The following PALM2AKAP2 variants were observed in gnomAD, a reference collection of about 807,000 sequenced individuals.
PALM2AKAP2 encodes PALM2-AKAP2 fusion protein.
PALM2AKAP2 carries 37 observed loss-of-function variants against 71.5 expected under a neutral mutation model. That is an observed-to-expected ratio of 0.52 (90% CI 0.40 to 0.68). The LOEUF (loss-of-function observed/expected upper bound fraction) is 0.68, where lower values mean the gene tolerates loss of function less well. Among genes scored for constraint, PALM2AKAP2 ranks in the 30% least tolerant of loss-of-function variants. PALM2AKAP2 has a pLI of 0.00. For missense variants in PALM2AKAP2, 1,224 were observed against 1,191.8 expected, an observed-to-expected ratio of 1.03 and a Z score of -0.40; for synonymous variants, 468 against 478.8, an observed-to-expected ratio of 0.98 and a Z score of 0.29.
intron 1 of PALM2AKAP2, among the ~76,000 whole-genome samples, chr9:109,715,108 T>C (rs940763801): frequency 6.6e-6 from 1 of 152,240 alleles, no homozygotes; most frequent in Admixed American, 6.5e-5. Flanking sequence ...ATCTACACTA[T>C]CTTTTGAAAA....
chr9:109,729,811 G>A (rs1828528343), intron 1 of PALM2AKAP2, among the ~76,000 whole-genome samples: 1 of 152,132 alleles, frequency 6.6e-6, no homozygotes, highest in South Asian at 2.1e-4. Context: ...CTGCCCCGGA[G>A]GACACTTTGT....
intron 2 of PALM2AKAP2, among the ~76,000 whole-genome samples, chr9:109,874,960 C>A (rs1829687518): frequency 6.6e-6 from 1 of 152,340 alleles, no homozygotes; most frequent in South Asian, 2.1e-4. Context: ...ATGCAATAAA[C>A]TCCCATCACT....
At position 109,694,537 on chromosome 9, in the gene PALM2AKAP2, C is replaced by T. The variant is rs529292348; in HGVS notation, c.5+53671C>T. 3.3e-5 allele frequency among the ~76,000 whole-genome samples: 5 copies of T among 152,072 alleles called. No individual in the cohort carries two copies. In the South Asian group the frequency reaches 1.0e-3, roughly 32 times the overall value. On this transcript the variant is annotated intron_variant, in intron 1 of 6. Coordinates refer to the PALM2AKAP2 transcript ENST00000374531. ...ATGTTTAAGATCTACATGAAGAAAT[C>T]TTCAAAACACTATTAAGAGATAGAA...
chr9:109,720,442 T>C (rs1318788563), intron 1 of PALM2AKAP2, among the ~76,000 whole-genome samples: 1 of 152,202 alleles, frequency 6.6e-6, no homozygotes, highest in Non-Finnish European at 1.5e-5. Flanking sequence ...AGACTATTGG[T>C]AGATCCTCAG....
intron 7 of PALM2AKAP2, 97 bp downstream of exon 7, chr9:110,016,136 C>T (rs1375662068): frequency 1.7e-6 from 2 of 1,169,918 alleles, no homozygotes; most frequent in Non-Finnish European, 2.5e-6. Context: ...CACTACCAAT[C>T]CACCTTGCTA....
At chr9:109,677,622 C>T (rs1391277441) in intron 1 of PALM2AKAP2, among the ~76,000 whole-genome samples, 1 of 149,976 alleles carries the variant, frequency 6.7e-6, no homozygotes, top group East Asian at 2.0e-4. Context: ...GAGCAGAGAT[C>T]GTGCCACTGC....
chr9:109,851,197 CAACAACAACAACA>C lies in PALM2AKAP2; in HGVS notation c.46-16291_46-16279del, dbSNP rs1275486845. Among the ~76,000 whole-genome samples the C allele has an allele frequency of 2.4e-4, 11 of 46,304 alleles. No individual in the cohort carries two copies. The Admixed American group carries it at 2.9e-3, about 12-fold the overall frequency. The allele number at this position is 46,304 out of a possible 152,430, so 30.4% of individuals were successfully genotyped here. ...GTCTCAACAACAACAACAACAACAA[CAACAACAACAACA>C]AAAAAAAAAAAACACTACCTGGTAG... On this transcript the variant is annotated intron_variant, in intron 1 of 9. Coordinates refer to the PALM2AKAP2 transcript ENST00000302798.
chr9:110,158,134 A>G (rs1836504000), intron 3 of PALM2AKAP2, among the ~76,000 whole-genome samples: 1 of 152,186 alleles, frequency 6.6e-6, no homozygotes, highest in African/African-American at 2.4e-5. Context: ...TCCTTTCGTG[A>G]GCCTGCAGGA....
At chr9:109,943,475 C>G (rs752487322) in intron 6 of PALM2AKAP2, 3 of 1,539,504 alleles carry the variant, frequency 1.9e-6, no homozygotes, top group Non-Finnish European at 2.6e-6. Flanking sequence ...CTCCACCACT[C>G]ACGTAGACCT....
intron 2 of PALM2AKAP2, among the ~76,000 whole-genome samples, chr9:110,145,258 A>G (rs1195665715): frequency 6.6e-6 from 1 of 152,130 alleles, no homozygotes; most frequent in East Asian, 1.9e-4. Context: ...CTCAATTCCA[A>G]TGCCCCAAAT....
intron 1 of PALM2AKAP2, among the ~76,000 whole-genome samples, chr9:110,118,208 TACAC>T (rs112722146): frequency 1.3e-5 from 2 of 149,068 alleles, no homozygotes; most frequent in African/African-American, 2.5e-5. Context: ...TACAGAAATA[TACAC>T]ACACACACAC....
intron 1 of PALM2AKAP2, among the ~76,000 whole-genome samples, chr9:110,101,331 G>A (rs1023652932): frequency 2.6e-5 from 4 of 152,170 alleles, no homozygotes; most frequent in African/African-American, 9.7e-5. Context: ...GTCCAAGGGT[G>A]GATGTCCAGA....
At chr9:110,032,741 AAAT>A (rs1254922492) in intron 7 of PALM2AKAP2, among the ~76,000 whole-genome samples, 6 of 145,302 alleles carry the variant, frequency 4.1e-5, no homozygotes, top group Admixed American at 1.4e-4. Flanking sequence ...TAAATAAATA[AAAT>A]AAAAAATAAA....
chr9:109,715,902 C>T (rs1334851606), intron 1 of PALM2AKAP2, among the ~76,000 whole-genome samples: 1 of 152,180 alleles, frequency 6.6e-6, no homozygotes, highest in East Asian at 1.9e-4. Flanking sequence ...TGTGTTACCA[C>T]TTCTGTGGTG....
intron 1 of PALM2AKAP2, among the ~76,000 whole-genome samples, chr9:109,645,010 T>A (rs1043265041): frequency 6.6e-6 from 1 of 152,214 alleles, no homozygotes; most frequent in Non-Finnish European, 1.5e-5. Context: ...TGTTACCCAA[T>A]TCCAAAGTTG....
At chr9:109,753,676 C>G (rs900905672) in intron 1 of PALM2AKAP2, among the ~76,000 whole-genome samples, 2 of 152,146 alleles carry the variant, frequency 1.3e-5, no homozygotes, top group Non-Finnish European at 2.9e-5. Context: ...GGAATTTGAT[C>G]TATATATCTC....
rs569554952 is a variant in PALM2AKAP2, at chr9:109,743,612, G to A, written c.6-36876G>A. Among the ~76,000 whole-genome samples, 86 of 152,258 alleles carry A rather than the reference G, an allele frequency of 5.6e-4. 1 individual carries two copies. Among genetic ancestry groups the A allele is most frequent in the Admixed American group, 8.5e-4 (13 of 15,304 alleles). ...ACTTGGAATCAGTGAAAAAATTGTTGAAGACCCCAGGATGTCTATTTCAGG... is the reference window on the plus strand; with the variant it reads ...ACTTGGAATCAGTGAAAAAATTGTTAAAGACCCCAGGATGTCTATTTCAGG... On this transcript the variant is annotated intron_variant, in intron 1 of 6. Transcript: ENST00000374531.
chr9:109,888,799 A>G (rs1830024217), intron 3 of PALM2AKAP2, among the ~76,000 whole-genome samples: 1 of 149,972 alleles, frequency 6.7e-6, no homozygotes, highest in African/African-American at 2.5e-5. Flanking sequence ...CAGCTGTGCT[A>G]TTGACATTTA....
chr9:110,082,217 C>G (rs560872397), intron 1 of PALM2AKAP2, among the ~76,000 whole-genome samples: 4 of 151,980 alleles, frequency 2.6e-5, no homozygotes, highest in African/African-American at 9.7e-5. Context: ...CCACCACACC[C>G]GACTAATTTT....
Sources: gnomAD v4.1 joint callset for allele counts (sites outside exome capture counted in the v4.1 genomes callset) on GRCh38, gnomAD v4.1.1 for gene constraint, MANE v1.5 for transcripts, NCBI Gene and HGNC (gene_info 2026-07-23, HGNC 2026-07-21) for gene names.